The following CTNNA3 variants were observed in gnomAD, a reference collection of about 807,000 sequenced individuals.
CTNNA3 encodes the protein catenin alpha-3.
In CTNNA3, 76 loss-of-function variants were observed where a neutral mutation model predicts 95.7. The observed-to-expected ratio is 0.79, with a 90% CI of 0.66 to 0.96. CTNNA3 has a LOEUF of 0.96. Ranked by LOEUF, CTNNA3 falls within the 40% of genes least tolerant of loss-of-function variation. The pLI is 0.00. For missense variants in CTNNA3, 1,191 were observed against 1,089.8 expected, an observed-to-expected ratio of 1.09 and a Z score of -1.31; for synonymous variants, 431 against 374.4, an observed-to-expected ratio of 1.15 and a Z score of -1.74.
intron 7 of CTNNA3, among the ~76,000 whole-genome samples, chr10:67,163,252 A>G (rs1007496942): frequency 5.3e-5 from 8 of 152,048 alleles, no homozygotes; most frequent in Non-Finnish European, 1.2e-4. Flanking sequence ...ATCCATATGT[A>G]AAATGAATTG....
At chr10:67,382,645 G>C in intron 5 of CTNNA3, among the ~76,000 whole-genome samples, 1 of 152,108 alleles carries the variant, frequency 6.6e-6, no homozygotes, top group East Asian at 1.9e-4. Flanking sequence ...GCCTCCCTGT[G>C]TTGGTCCATT....
intron 1 of CTNNA3, among the ~76,000 whole-genome samples, chr10:67,756,601 A>G (rs1841434353): frequency 6.6e-6 from 1 of 152,246 alleles, no homozygotes; most frequent in Non-Finnish European, 1.5e-5. Flanking sequence ...GCCACATATT[A>G]TATAATTCTA....
At chr10:67,503,883 C>T (rs111311519) in intron 5 of CTNNA3, among the ~76,000 whole-genome samples, 128 of 152,198 alleles carry the variant, frequency 8.4e-4, no homozygotes, top group African/African-American at 1.9e-3. Flanking sequence ...TTCAGCCAGG[C>T]GCGGTGGCTC....
intron 5 of CTNNA3, among the ~76,000 whole-genome samples, chr10:67,363,009 T>A (rs1011174121): frequency 6.6e-6 from 1 of 151,932 alleles, no homozygotes; most frequent in Non-Finnish European, 1.5e-5. Context: ...TATTTATTAA[T>A]ACAATATCCA....
chr10:66,931,714 A>G (rs1437836666), intron 7 of CTNNA3, among the ~76,000 whole-genome samples: 1 of 152,134 alleles, frequency 6.6e-6, no homozygotes, highest in Non-Finnish European at 1.5e-5. Context: ...GTAATTTTTG[A>G]ATGTTATACT....
At chr10:66,924,182 G>A (rs1846940524) in intron 7 of CTNNA3, among the ~76,000 whole-genome samples, 1 of 152,170 alleles carries the variant, frequency 6.6e-6, no homozygotes, top group African/African-American at 2.4e-5. Flanking sequence ...GATGTTTCAT[G>A]TGCATTCACA....
intron 15 of CTNNA3, among the ~76,000 whole-genome samples, chr10:66,046,213 A>C (rs1026246888): frequency 3.9e-5 from 6 of 152,160 alleles, no homozygotes; most frequent in African/African-American, 1.4e-4. Context: ...GAGCTGCCCC[A>C]GGAAACCATG....
At chr10:66,189,940 A>G (rs1292651347) in intron 13 of CTNNA3, among the ~76,000 whole-genome samples, 1 of 151,916 alleles carries the variant, frequency 6.6e-6, no homozygotes, top group African/African-American at 2.4e-5. Flanking sequence ...TTCTGAATAG[A>G]GTGCACCAAT....
chr10:66,554,725 C>T (rs574660934), intron 10 of CTNNA3, among the ~76,000 whole-genome samples: 7 of 152,080 alleles, frequency 4.6e-5, no homozygotes, highest in Non-Finnish European at 8.8e-5. Flanking sequence ...ATATCACTTT[C>T]TATAAATTAC....
intron 11 of CTNNA3, among the ~76,000 whole-genome samples, chr10:66,515,345 C>CTATATATATATA (rs1554809600): frequency 3.2e-4 from 47 of 148,982 alleles, no homozygotes; most frequent in South Asian, 1.1e-3. Flanking sequence ...CTCTCTCTCT[C>CTATATATATATA]TATATATATA....
intron 10 of CTNNA3, among the ~76,000 whole-genome samples, chr10:66,609,967 G>T (rs1056825927): frequency 4.6e-5 from 7 of 152,116 alleles, no homozygotes; most frequent in South Asian, 4.1e-4. Context: ...GATGGAGCTG[G>T]AGGCCATTAT....
rs113452544 is a variant in CTNNA3 at position 66,328,845 on chromosome 10, C to A, written c.1733-48224G>T. The stretch of plus-strand genomic sequence containing the variant: ...GCAGGAGAAATGTGATGAGACATTC[C>A]AGCTCAAGCAGTGAAGCAGGAAAAA... On this transcript the variant is annotated intron_variant, in intron 12 of 17. Coordinates refer to ENST00000433211, the MANE Select transcript of CTNNA3 (RefSeq NM_013266.4). Among the ~76,000 whole-genome samples the A allele has an allele frequency of 4.8e-3, 705 of 145,986 alleles. 8 individuals carry two copies. Among genetic ancestry groups the A allele is most frequent in the Middle Eastern group, 0.015 (4 of 268 alleles).
intron 5 of CTNNA3, among the ~76,000 whole-genome samples, chr10:67,520,546 G>A (rs1308766360): frequency 6.6e-6 from 1 of 152,144 alleles, no homozygotes; most frequent in Non-Finnish European, 1.5e-5. Flanking sequence ...CTGGGGGTTT[G>A]TTATAGTAGC....
At chr10:66,534,546 T>C (rs966022340) in intron 10 of CTNNA3, among the ~76,000 whole-genome samples, 5 of 149,476 alleles carry the variant, frequency 3.3e-5, no homozygotes, top group Non-Finnish European at 7.4e-5. Flanking sequence ...ATCATACATT[T>C]ATGTTTATAT....
intron 7 of CTNNA3, among the ~76,000 whole-genome samples, chr10:67,035,171 T>A (rs539413279): frequency 4.1e-4 from 62 of 152,342 alleles, no homozygotes; most frequent in South Asian, 1.0e-3. Flanking sequence ...TACAAGTTCC[T>A]TACCCATATG....
intron 13 of CTNNA3, among the ~76,000 whole-genome samples, chr10:66,145,449 T>C (rs557765928): frequency 6.6e-6 from 1 of 152,188 alleles, no homozygotes; most frequent in African/African-American, 2.4e-5. Context: ...GCTTTAAATA[T>C]ATCATTGAAA....
At chr10:67,626,423 G>T (rs756225564) in intron 2 of CTNNA3, among the ~76,000 whole-genome samples, 12 of 152,040 alleles carry the variant, frequency 7.9e-5, no homozygotes, top group Non-Finnish European at 1.5e-4. Flanking sequence ...AATCATAAAT[G>T]GCTTTTTTGG....
At position 66,067,745 on chromosome 10, in the gene CTNNA3, G is replaced by A. The variant is rs550531598; in HGVS notation, c.2159+1563C>T. On this transcript the variant is annotated intron_variant, in intron 15 of 17. Coordinates refer to ENST00000433211, the MANE Select transcript of CTNNA3 (RefSeq NM_013266.4). ...AGCCACACCAATATGGTGAAACTCC[G>A]TCTCTACTAAAAATACAAAAATTAG... Among the ~76,000 whole-genome samples, 131 of 151,992 alleles carry A rather than the reference G, an allele frequency of 8.6e-4. 1 individual carries two copies. The highest frequency in any genetic ancestry group is 3.1e-3 in the African/African-American group (127 of 41,484).
chr10:65,917,213 G>T lies in CTNNA3; in HGVS notation c.*3117C>A, dbSNP rs998923570. 6 of 152,198 alleles carry T rather than the reference G, an allele frequency of 3.9e-5. No homozygotes were observed. Among genetic ancestry groups the T allele is most frequent in the African/African-American group, 1.2e-4 (5 of 41,554 alleles). The allele number at this position is 152,198 out of a possible 1,614,324, so 9.4% of individuals were successfully genotyped here. A position where few individuals can be genotyped will look rare whatever the true frequency, so the allele number is the denominator to read the frequency against. On this transcript the variant is annotated 3_prime_UTR_variant, in exon 18 of 18. Coordinates refer to ENST00000433211, the MANE Select transcript of CTNNA3 (RefSeq NM_013266.4). ...CTATATTGTCTTTTCTAATACATTTGCAATTTGCACTCATATAATAAATAA... is the reference window on the plus strand; with the variant it reads ...CTATATTGTCTTTTCTAATACATTTTCAATTTGCACTCATATAATAAATAA...
Sources: gnomAD v4.1 joint callset for allele counts (sites outside exome capture counted in the v4.1 genomes callset) on GRCh38, gnomAD v4.1.1 for gene constraint, MANE v1.5 for transcripts, NCBI Gene and HGNC (gene_info 2026-07-23, HGNC 2026-07-21) for gene names.